ESCO2: variants seen among roughly 807,000 people sequenced by gnomAD.
ESCO2 encodes N-acetyltransferase ESCO2.
Under a neutral mutation model 61.7 loss-of-function variants are expected in ESCO2, and 51 were observed. That is an observed-to-expected ratio of 0.83 (90% CI 0.66 to 1.04). The LOEUF (loss-of-function observed/expected upper bound fraction) is 1.04. Among genes scored for constraint, ESCO2 ranks in the 50% least tolerant of loss-of-function variants. The pLI is 0.00. For synonymous variants in ESCO2, 230 were observed against 238.2 expected (o/e 0.97, Z 0.32); for missense variants, 692 against 686.2 (o/e 1.01, Z -0.09).
chr8:27,786,198 C>T (rs894613558), intron 5 of ESCO2, among the ~76,000 whole-genome samples: 12 of 152,076 alleles, frequency 7.9e-5, no homozygotes, highest in African/African-American at 2.4e-4. Context: ...TGGGACTGAA[C>T]GAAGGTGGAC....
intron 9 of ESCO2, among the ~76,000 whole-genome samples, chr8:27,793,289 C>T (rs906174063): frequency 2.0e-5 from 3 of 151,054 alleles, no homozygotes; most frequent in Non-Finnish European, 3.0e-5. Context: ...TGGCCTTTTC[C>T]TTCCCCCTCA....
downstream of ESCO2, chr8:27,810,304 A>C: frequency 6.2e-7 from 1 of 1,602,654 alleles, no homozygotes; most frequent in Non-Finnish European, 8.5e-7. Context: ...TGAGATGATC[A>C]CTAGACATCT....
upstream of ESCO2, among the ~76,000 whole-genome samples, chr8:27,773,469 C>T (rs1304952876): frequency 1.6e-5 from 2 of 124,518 alleles, no homozygotes; most frequent in African/African-American, 6.0e-5. Flanking sequence ...TGGTGGAGGG[C>T]GGTGGGGGGA....
chr8:27,776,452 T>C lies in ESCO2; in HGVS notation c.144T>C (p.His48=). The stretch of plus-strand genomic sequence containing the variant: ...GTGATAAAAATGAAGAAAACCTGCA[T>C]TGCTCTCAACAAGAGCATTTTGTTT... ...QNSDKNEENL[H]CSQQEHFVLS... The change falls in exon 3 of 11, where the codon CAT becomes CAC. Residue 48 remains histidine (H), a synonymous_variant. Coordinates refer to ENST00000305188, the MANE Select transcript of ESCO2 (RefSeq NM_001017420.3). 6.2e-7 allele frequency: 1 copy of C among 1,609,438 alleles called. No individual in the cohort carries two copies. Among genetic ancestry groups the C allele is most frequent in the Non-Finnish European group, 8.5e-7 (1 of 1,178,662 alleles).
chr8:27,816,497 C>T (rs1480648244), downstream of ESCO2, among the ~76,000 whole-genome samples: 1 of 151,616 alleles, frequency 6.6e-6, no homozygotes, highest in East Asian at 1.9e-4. Context: ...CTGCCTCAGC[C>T]TCCTGAGTAG....
At chr8:27,809,540 G>A (rs1680763913), downstream of ESCO2, 1 of 152,168 alleles carries the variant, frequency 6.6e-6, no homozygotes, top group African/African-American at 2.4e-5. Flanking sequence ...ATAAGGCCAA[G>A]AGAGGGAAAG....
intron 7 of ESCO2, among the ~76,000 whole-genome samples, 198 bp downstream of exon 7, chr8:27,789,176 A>C (rs1168357432): frequency 6.6e-6 from 1 of 152,204 alleles, no homozygotes; most frequent in Non-Finnish European, 1.5e-5. Flanking sequence ...TACAAAATTC[A>C]GAGACTGCAG....
At chr8:27,812,247 T>C (rs1585420416), downstream of ESCO2, 1 of 152,196 alleles carries the variant, frequency 6.6e-6, no homozygotes, top group East Asian at 1.9e-4. Flanking sequence ...AACTAGATTT[T>C]AAACTAACTT....
chr8:27,819,434 A>G, the ESCO2 span, among the ~76,000 whole-genome samples: 1 of 152,138 alleles, frequency 6.6e-6, no homozygotes, highest in Non-Finnish European at 1.5e-5. Context: ...TAAATATTTT[A>G]TAAATGGAAT....
At chr8:27,773,455 C>T (rs1239075125), upstream of ESCO2, among the ~76,000 whole-genome samples, 1 of 147,446 alleles carries the variant, frequency 6.8e-6, no homozygotes, top group Non-Finnish European at 1.5e-5. Context: ...ATATCCAAGC[C>T]TGCTGGTGGA....
chr8:27,785,488 G>A (rs576178651), intron 5 of ESCO2, among the ~76,000 whole-genome samples: 1 of 152,224 alleles, frequency 6.6e-6, no homozygotes, highest in Admixed American at 6.5e-5. Flanking sequence ...GATCACCTGA[G>A]GTCTGGAGTT....
At chr8:27,792,907 G>A in intron 9 of ESCO2, 96 bp downstream of exon 9, 1 of 1,299,168 alleles carries the variant, frequency 7.7e-7, no homozygotes, top group Non-Finnish European at 1.1e-6. Flanking sequence ...TACCATTAAT[G>A]ACACTCTTCC....
intron 5 of ESCO2, among the ~76,000 whole-genome samples, chr8:27,787,062 A>G (rs74914988): frequency 0.029 from 4,387 of 152,082 alleles, 99 homozygotes; most frequent in Non-Finnish European, 0.041. Context: ...TCGAACTCAT[A>G]GATTCTTTGA....
At position 27,775,423 on chromosome 8, in the gene ESCO2, C is replaced by G. The variant is rs978193872; in HGVS notation, c.-16-76C>G. The G allele has an allele frequency of 3.2e-6, 4 of 1,249,176 alleles. No homozygotes were observed. In the Admixed American group the frequency reaches 6.7e-5, roughly 21 times the overall value. The allele number at this position is 1,249,176 out of a possible 1,614,324, so 77.4% of individuals were successfully genotyped here. On this transcript the variant is annotated intron_variant, in intron 1 of 10. Transcript: ENST00000305188. ...GGGTTTTAACTTGGTGTGAAATAGA[C>G]TAATTAAAGGGGGTATAATTTTGAT...
intron 5 of ESCO2, among the ~76,000 whole-genome samples, chr8:27,785,112 G>C (rs1805008971): frequency 6.6e-6 from 1 of 152,246 alleles, no homozygotes; most frequent in African/African-American, 2.4e-5. Flanking sequence ...AGATCAAGCA[G>C]CCACATCTGG....
intron 10 of ESCO2, among the ~76,000 whole-genome samples, chr8:27,801,118 A>G (rs775567825): frequency 1.2e-4 from 18 of 152,308 alleles, no homozygotes; most frequent in Non-Finnish European, 1.6e-4. Flanking sequence ...CAAAAAAATG[A>G]GTGTCCAGTT....
intron 5 of ESCO2, among the ~76,000 whole-genome samples, chr8:27,784,487 A>C (rs1804993142): frequency 6.6e-6 from 1 of 152,182 alleles, no homozygotes. Context: ...AATGCCCATT[A>C]GGTTATATTG....
Position 27,787,951 on chromosome 8 carries a change from A to T in ESCO2, c.1080A>T (p.Lys360Asn), listed in dbSNP as rs2128954830. 33 of 1,613,872 alleles carry T rather than the reference A, an allele frequency of 2.0e-5. No homozygotes were observed. The highest frequency in any genetic ancestry group is 2.7e-5 in the Non-Finnish European group (32 of 1,179,888). Reference protein sequence around the residue: ...VNFMKQTNIQKNTNTRDTSKK... With the variant: ...VNFMKQTNIQNNTNTRDTSKK... ...TCATGAAACAGACCAATATCCAGAA[A>T]AATACTAATACCAGAGATACAAGTA... The change falls in exon 6 of 11, where the codon AAA becomes AAT. Residue 360 changes from lysine to asparagine, a missense_variant. Lys to Asn is a moderately conservative substitution (Grantham distance 94, BLOSUM62 0). Transcript: ENST00000305188.
intron 9 of ESCO2, among the ~76,000 whole-genome samples, chr8:27,797,294 T>C (rs944363584): frequency 2.0e-5 from 3 of 152,178 alleles, no homozygotes; most frequent in African/African-American, 4.8e-5. Flanking sequence ...TACAACTGTT[T>C]TATCTTAATG....
Sources: allele counts gnomAD v4.1 joint callset (sites outside exome capture counted in the v4.1 genomes callset), GRCh38; gene constraint gnomAD v4.1.1; transcripts MANE v1.5; gene names NCBI Gene and HGNC (gene_info 2026-07-23, HGNC 2026-07-21).